Variants in PCLO observed in about 807,000 individuals in gnomAD.
The protein encoded by PCLO is protein piccolo.
PCLO carries 82 observed loss-of-function variants against 427.5 expected under a neutral mutation model. The ratio of observed to expected loss-of-function variants is 0.19; its 90% CI spans 0.16 to 0.23. The LOEUF (loss-of-function observed/expected upper bound fraction) is 0.23. Ranked by LOEUF, PCLO falls within the 10% of genes least tolerant of loss-of-function variation. The pLI, the probability that PCLO is intolerant of heterozygous loss-of-function variation, is 1.00. For missense variants in PCLO, 6,239 were observed against 6,115.9 expected (o/e 1.02, Z -0.67); for synonymous variants, 2,357 against 2,155.4 (o/e 1.09, Z -2.59).
chr7:83,024,808 G>A lies in PCLO; in HGVS notation c.3301-58321C>T, dbSNP rs969092884. ...AGTGGGTCCCTGACTCCTGACCCCCGAGCAGCCTAACTGGGAGGCACCCCA... is the reference window on the plus strand; with the variant it reads ...AGTGGGTCCCTGACTCCTGACCCCCAAGCAGCCTAACTGGGAGGCACCCCA... On this transcript the variant is annotated intron_variant, in intron 3 of 24. Transcript: ENST00000333891. 2.2e-4 allele frequency among the ~76,000 whole-genome samples: 34 copies of A among 152,090 alleles called. 1 individual carries two copies. The highest frequency in any genetic ancestry group is 7.5e-4 in the African/African-American group (31 of 41,394).
intron 6 of PCLO, among the ~76,000 whole-genome samples, chr7:82,944,033 G>A (rs1795144078): frequency 6.7e-6 from 1 of 149,306 alleles, no homozygotes; most frequent in Non-Finnish European, 1.5e-5. Context: ...TGTAATCCCA[G>A]CTACTCGGGA....
chr7:82,918,009 A>G (rs1222722373), intron 6 of PCLO, among the ~76,000 whole-genome samples: 1 of 151,820 alleles, frequency 6.6e-6, no homozygotes, highest in African/African-American at 2.4e-5. Flanking sequence ...ATGTAACCCT[A>G]CTAGTTGTTC....
intron 4 of PCLO, among the ~76,000 whole-genome samples, chr7:82,960,185 C>G (rs1210862341): frequency 6.6e-6 from 1 of 152,080 alleles, no homozygotes; most frequent in Non-Finnish European, 1.5e-5. Flanking sequence ...TTTTGACGGG[C>G]TAAAATTAAA....
At chr7:83,024,298 G>A (rs147973615) in intron 3 of PCLO, among the ~76,000 whole-genome samples, 3,653 of 152,272 alleles carry the variant, frequency 0.024, 157 homozygotes, top group African/African-American at 0.083. Context: ...CTCGGGAAGC[G>A]CAAGGGGTCA....
At chr7:82,776,969 G>A (rs887989660) in intron 22 of PCLO, among the ~76,000 whole-genome samples, 7 of 151,388 alleles carry the variant, frequency 4.6e-5, no homozygotes, top group Non-Finnish European at 8.8e-5. Context: ...TGCTTCTCCA[G>A]TTCTGTTAGT....
intron 10 of PCLO, among the ~76,000 whole-genome samples, chr7:82,857,623 T>A (rs1195225209): frequency 6.6e-6 from 1 of 152,054 alleles, no homozygotes; most frequent in Non-Finnish European, 1.5e-5. Context: ...ATAACATAAT[T>A]TGACAGATAA....
chr7:83,038,609 T>G (rs1371919752), intron 3 of PCLO, among the ~76,000 whole-genome samples: 1 of 152,028 alleles, frequency 6.6e-6, no homozygotes, highest in African/African-American at 2.4e-5. Context: ...CAGATCACAC[T>G]TTGTTCATCC....
At chr7:82,768,438 G>C (rs935411162) in intron 22 of PCLO, among the ~76,000 whole-genome samples, 5 of 148,198 alleles carry the variant, frequency 3.4e-5, no homozygotes, top group African/African-American at 1.3e-4. Context: ...AAAAAAAAAA[G>C]TATTAAAATG....
At chr7:82,873,868 C>G (rs1793302352) in intron 10 of PCLO, among the ~76,000 whole-genome samples, 1 of 151,868 alleles carries the variant, frequency 6.6e-6, no homozygotes, top group African/African-American at 2.4e-5. Flanking sequence ...TCCCAGAGAT[C>G]TGAATTTAAA....
intron 20 of PCLO, chr7:82,820,977 A>G (rs926200126): frequency 1.1e-5 from 14 of 1,227,942 alleles, no homozygotes; most frequent in Non-Finnish European, 1.4e-5. Context: ...TGAAGTCCTG[A>G]AATGCCATGC....
intron 3 of PCLO, among the ~76,000 whole-genome samples, chr7:83,085,528 T>C (rs927102803): frequency 5.3e-5 from 8 of 152,160 alleles, no homozygotes; most frequent in African/African-American, 1.7e-4. Flanking sequence ...TGCTGCAGCA[T>C]GCTCAGTCTC....
At chr7:83,075,809 CTTAAT>C (rs905024463) in intron 3 of PCLO, among the ~76,000 whole-genome samples, 13 of 151,954 alleles carry the variant, frequency 8.6e-5, no homozygotes, top group South Asian at 2.1e-4. Context: ...ATAAAGCCTA[CTTAAT>C]TTAAGTCTTC....
intron 24 of PCLO, among the ~76,000 whole-genome samples, chr7:82,760,410 T>G (rs990871042): frequency 6.6e-6 from 1 of 151,846 alleles, no homozygotes; most frequent in African/African-American, 2.4e-5. Flanking sequence ...AAGAAGAATC[T>G]ATGTAAAATA....
chr7:83,041,553 C>A (rs1583946801), intron 3 of PCLO, among the ~76,000 whole-genome samples: 1 of 152,142 alleles, frequency 6.6e-6, no homozygotes, highest in Non-Finnish European at 1.5e-5. Flanking sequence ...TAGTGACCAA[C>A]TTTTACATTT....
rs1795519934 is a variant in PCLO at position 82,956,379 on chromosome 7, G to A, written c.4574C>T (p.Pro1525Leu). 1 of 1,613,146 alleles carries A rather than the reference G, an allele frequency of 6.2e-7. No homozygotes were observed. Among genetic ancestry groups the A allele is most frequent in the Admixed American group, 1.7e-5 (1 of 59,962 alleles). Reference sequence around the variant, plus strand: ...AACACTAGTTCTTCGTTTTCTTTGTGGAACAGGTGAGTTTTCACTTTCACT... The same window carrying A: ...AACACTAGTTCTTCGTTTTCTTTGTAGAACAGGTGAGTTTTCACTTTCACT... Reference protein sequence around the residue: ...ESSESENSPVPQRKRRTSVGS... With the variant: ...ESSESENSPVLQRKRRTSVGS... The change falls in exon 5 of 25, where the codon CCA becomes CTA. Residue 1525 changes from proline (P) to leucine (L), a missense_variant. Physicochemically the swap from Pro to Leu is moderately conservative, Grantham distance 98 (BLOSUM62 -3). This residue lies in a region of PCLO where 4,677 missense variants were observed against 4,468.4 expected (regional missense o/e 1.05). Coordinates refer to ENST00000333891, the MANE Select transcript of PCLO (RefSeq NM_033026.6).
chr7:82,995,463 T>C (rs117626962), intron 3 of PCLO, among the ~76,000 whole-genome samples: 2,168 of 152,084 alleles, frequency 0.014, 39 homozygotes, highest in Non-Finnish European at 0.022. Flanking sequence ...TGTAAGAAAG[T>C]GCTGGATTGT....
At chr7:82,970,716 A>C (rs1161564275) in intron 3 of PCLO, among the ~76,000 whole-genome samples, 1 of 151,932 alleles carries the variant, frequency 6.6e-6, no homozygotes, top group Non-Finnish European at 1.5e-5. Context: ...TAGATATATA[A>C]ATTCAAATTT....
chr7:82,873,418 A>C (rs1793290138), intron 10 of PCLO, among the ~76,000 whole-genome samples: 2 of 152,088 alleles, frequency 1.3e-5, no homozygotes, highest in South Asian at 4.1e-4. Context: ...TGTGAGTCTT[A>C]TACGGCAATT....
intron 22 of PCLO, among the ~76,000 whole-genome samples, chr7:82,800,365 T>C (rs1791320654): frequency 6.6e-6 from 1 of 152,182 alleles, no homozygotes; most frequent in Non-Finnish European, 1.5e-5. Flanking sequence ...CCCATTATCA[T>C]GGTAATAGTG....
Sources: gnomAD v4.1 joint callset for allele counts (sites outside exome capture counted in the v4.1 genomes callset) on GRCh38, gnomAD v4.1.1 for gene constraint, gnomAD v4.1.1 regional missense constraint, MANE v1.5 for transcripts, NCBI Gene and HGNC (gene_info 2026-07-23, HGNC 2026-07-21) for gene names.